The following LHFPL2 variants were observed in gnomAD, a reference collection of about 807,000 sequenced individuals.
The protein encoded by LHFPL2 is LHFPL tetraspan subfamily member 2 protein.
LHFPL2 carries 7 observed loss-of-function variants against 17.5 expected under a neutral mutation model. The observed-to-expected ratio is 0.40, with a 90% CI of 0.23 to 0.75. The LOEUF is 0.75. Ranked by LOEUF, LHFPL2 falls within the 30% of genes least tolerant of loss-of-function variation. The pLI is 0.37. For missense variants in LHFPL2, 241 were observed against 294.8 expected (o/e 0.82, Z 1.34); for synonymous variants, 134 against 116.2 (o/e 1.15, Z -0.99).
At position 78,545,344 on chromosome 5, in the gene LHFPL2, T is replaced by C. The variant is rs184538185; in HGVS notation, c.-186+19469A>G. Among the ~76,000 whole-genome samples the C allele has an allele frequency of 1.2e-4, 18 of 152,312 alleles. No individual in the cohort carries two copies. The East Asian group carries it at 2.3e-3, about 20-fold the overall frequency. ...TAGAATCAAGAGTAGGATTTCTCTGTGAAGATCCAGCATGGTCCAAGCCTT... is the reference window on the plus strand; with the variant it reads ...TAGAATCAAGAGTAGGATTTCTCTGCGAAGATCCAGCATGGTCCAAGCCTT... On this transcript the variant is annotated intron_variant, in intron 3 of 4. Coordinates refer to ENST00000380345, the MANE Select transcript of LHFPL2 (RefSeq NM_005779.3).
rs531032573 is a variant in LHFPL2 at position 78,622,333 on chromosome 5, C to G, written c.-245+9931G>C. Among the ~76,000 whole-genome samples the G allele has an allele frequency of 2.0e-5, 3 of 152,218 alleles. No individual in the cohort carries two copies. In the East Asian group the frequency reaches 5.8e-4, roughly 29 times the overall value. On this transcript the variant is annotated intron_variant, in intron 2 of 4. Transcript: ENST00000380345. ...ACTCAAAGCAGACTCCCTCCTATTA[C>G]GATAGCAGCGCCAATGACTACTTAC...
At chr5:78,640,838 G>A (rs1745637051) in intron 1 of LHFPL2, among the ~76,000 whole-genome samples, 1 of 152,200 alleles carries the variant, frequency 6.6e-6, no homozygotes, top group Non-Finnish European at 1.5e-5. Context: ...AGTAAGAGGA[G>A]TAACGGTTGT....
intron 1 of LHFPL2, among the ~76,000 whole-genome samples, chr5:78,639,421 T>C (rs1454464772): frequency 2.6e-5 from 4 of 152,196 alleles, no homozygotes; most frequent in Non-Finnish European, 5.9e-5. Context: ...AGATCAAAAA[T>C]GACTTACAGT....
chr5:78,593,828 C>A (rs1172521979), intron 2 of LHFPL2, among the ~76,000 whole-genome samples: 1 of 152,194 alleles, frequency 6.6e-6, no homozygotes, highest in African/African-American at 2.4e-5. Context: ...GACGGCATGA[C>A]TGTCCCCAGT....
intron 2 of LHFPL2, among the ~76,000 whole-genome samples, chr5:78,575,444 G>A (rs565020125): frequency 6.6e-6 from 1 of 152,266 alleles, no homozygotes; most frequent in African/African-American, 2.4e-5. Context: ...AGCTACTCGG[G>A]AGGCTGAGGC....
At chr5:78,499,287 C>G (rs1754700103) in intron 4 of LHFPL2, among the ~76,000 whole-genome samples, 1 of 152,210 alleles carries the variant, frequency 6.6e-6, no homozygotes, top group South Asian at 2.1e-4. Flanking sequence ...ATAACTTACA[C>G]TAACAATGGG....
rs570252863 is a variant in LHFPL2 at position 78,584,918 on chromosome 5, G to C, written c.-244-20047C>G. ...CCTTGCAGTTTGATCTCTGACTGCT[G>C]TGCTAGCAATCAACGAGACTCCGTG... On this transcript the variant is annotated intron_variant, in intron 2 of 4. Transcript: ENST00000380345. 4.6e-5 allele frequency among the ~76,000 whole-genome samples: 7 copies of C among 151,100 alleles called. No individual in the cohort carries two copies. In the South Asian group the frequency reaches 1.0e-3, roughly 23 times the overall value.
At chr5:78,586,963 C>T (rs1221148585) in intron 2 of LHFPL2, among the ~76,000 whole-genome samples, 2 of 152,174 alleles carry the variant, frequency 1.3e-5, no homozygotes, top group Non-Finnish European at 2.9e-5. Context: ...CAGTAAGCTA[C>T]TTCTTTATTT....
intron 3 of LHFPL2, among the ~76,000 whole-genome samples, chr5:78,520,625 G>C (rs1480094316): frequency 6.6e-6 from 1 of 152,238 alleles, no homozygotes; most frequent in Non-Finnish European, 1.5e-5. Context: ...GGCTGATGGA[G>C]AGCTGAGCAG....
At chr5:78,582,591 C>A (rs1298010482) in intron 2 of LHFPL2, among the ~76,000 whole-genome samples, 2 of 151,280 alleles carry the variant, frequency 1.3e-5, no homozygotes, top group Non-Finnish European at 3.0e-5. Context: ...TGTAGTTGAG[C>A]GGTTTTGAGT....
rs1221266946 is a variant in LHFPL2 at position 78,619,520 on chromosome 5, C to CTT, written c.-245+12742_-245+12743dup. On this transcript the variant is annotated intron_variant, in intron 2 of 4. Coordinates refer to ENST00000380345, the MANE Select transcript of LHFPL2 (RefSeq NM_005779.3). ...ATATATTTATTTTATTATTATTATA[C>CTT]TTTAAGTTTTAGGGTACATGTGCAC... 5.7e-4 allele frequency among the ~76,000 whole-genome samples: 84 copies of CTT among 148,058 alleles called. 2 individuals carry two copies. The highest frequency in any genetic ancestry group is 1.9e-3 in the African/African-American group (79 of 40,590).
At chr5:78,554,089 C>T (rs182174499) in intron 3 of LHFPL2, among the ~76,000 whole-genome samples, 2 of 152,258 alleles carry the variant, frequency 1.3e-5, no homozygotes, top group Non-Finnish European at 2.9e-5. Context: ...GTACATTCCA[C>T]TGGAAATCTC....
At chr5:78,506,056 G>A (rs1754922590) in intron 4 of LHFPL2, among the ~76,000 whole-genome samples, 1 of 152,224 alleles carries the variant, frequency 6.6e-6, no homozygotes, top group Non-Finnish European at 1.5e-5. Flanking sequence ...ACCTAATGGT[G>A]CCCTGAAGGC....
At chr5:78,594,930 C>A (rs928357583) in intron 2 of LHFPL2, among the ~76,000 whole-genome samples, 1 of 152,148 alleles carries the variant, frequency 6.6e-6, no homozygotes, top group East Asian at 1.9e-4. Context: ...ATGTGGCTAG[C>A]CTTCTGAGTG....
At chr5:78,554,499 C>A (rs1162586980) in intron 3 of LHFPL2, among the ~76,000 whole-genome samples, 1 of 152,250 alleles carries the variant, frequency 6.6e-6, no homozygotes, top group African/African-American at 2.4e-5. Context: ...ATTCCCTTAA[C>A]AACGTTTTCC....
chr5:78,506,407 C>T (rs969656159), intron 4 of LHFPL2, among the ~76,000 whole-genome samples: 1 of 152,242 alleles, frequency 6.6e-6, no homozygotes, highest in Non-Finnish European at 1.5e-5. Flanking sequence ...GCAACAGCCT[C>T]CTTTCTCACC....
intron 4 of LHFPL2, among the ~76,000 whole-genome samples, chr5:78,503,289 A>T (rs1754829146): frequency 6.6e-6 from 1 of 152,270 alleles, no homozygotes; most frequent in South Asian, 2.1e-4. Context: ...TCGACAATTA[A>T]GTAGTTGCCA....
intron 3 of LHFPL2, among the ~76,000 whole-genome samples, chr5:78,524,561 G>A (rs1755559072): frequency 6.6e-6 from 1 of 152,056 alleles, no homozygotes; most frequent in African/African-American, 2.4e-5. Context: ...GGACAAAATG[G>A]TGAAACCCCA....
chr5:78,500,982 T>A (rs930657177), intron 4 of LHFPL2, among the ~76,000 whole-genome samples: 1 of 152,202 alleles, frequency 6.6e-6, no homozygotes. Context: ...TCCACAGATA[T>A]GTGCCTGTCA....
Sources: gnomAD v4.1 joint callset for allele counts (sites outside exome capture counted in the v4.1 genomes callset) on GRCh38, gnomAD v4.1.1 for gene constraint, MANE v1.5 for transcripts, NCBI Gene and HGNC (gene_info 2026-07-23, HGNC 2026-07-21) for gene names.